The following FRMD4A variants were observed in gnomAD, a reference collection of about 807,000 sequenced individuals.
The protein encoded by FRMD4A is FERM domain-containing protein 4A.
In FRMD4A, 29 loss-of-function variants were observed where a neutral mutation model predicts 129.1. That is an observed-to-expected ratio of 0.22 (90% CI 0.17 to 0.31). FRMD4A has a LOEUF of 0.31. FRMD4A is among the 10% of genes least tolerant of loss of function. FRMD4A has a pLI of 1.00. For missense variants in FRMD4A, 1,272 were observed against 1,375.8 expected, an observed-to-expected ratio of 0.92 and a Z score of 1.19; for synonymous variants, 634 against 571.6, an observed-to-expected ratio of 1.11 and a Z score of -1.56.
intron 2 of FRMD4A, among the ~76,000 whole-genome samples, chr10:13,963,674 C>G (rs902192858): frequency 1.3e-5 from 2 of 152,200 alleles, no homozygotes; most frequent in Non-Finnish European, 2.9e-5. Context: ...AGTTCTGTTT[C>G]AAAAGCATAT....
chr10:14,119,859 G>A (rs926435286), intron 2 of FRMD4A, among the ~76,000 whole-genome samples: 7 of 152,156 alleles, frequency 4.6e-5, no homozygotes, highest in African/African-American at 1.7e-4. Flanking sequence ...CCCTCTGTTA[G>A]GTAATGAGTT....
intron 13 of FRMD4A, among the ~76,000 whole-genome samples, chr10:13,703,275 A>G (rs566142772): frequency 2.6e-5 from 4 of 152,300 alleles, no homozygotes; most frequent in South Asian, 4.2e-4. Context: ...CTCCTGCTCT[A>G]TCATTACTTT....
chr10:13,659,520 C>T (rs371654662), intron 20 of FRMD4A, 30 bp from the exon 21 acceptor site: 18 of 1,598,840 alleles, frequency 1.1e-5, no homozygotes, highest in South Asian at 2.2e-5. Flanking sequence ...ACGTGGTCAC[C>T]GCCAGACAGA....
intron 2 of FRMD4A, among the ~76,000 whole-genome samples, chr10:14,304,877 G>A (rs1846296326): frequency 6.6e-6 from 1 of 152,184 alleles, no homozygotes; most frequent in African/African-American, 2.4e-5. Context: ...CCCTTGAGCT[G>A]GGATAACTCT....
chr10:13,769,046 A>G (rs1172620033), intron 6 of FRMD4A, among the ~76,000 whole-genome samples: 1 of 129,446 alleles, frequency 7.7e-6, no homozygotes, highest in East Asian at 2.3e-4. Context: ...GCTGGAGTGT[A>G]GTGGCGCGAT....
intron 2 of FRMD4A, among the ~76,000 whole-genome samples, chr10:14,260,554 A>C (rs1564423991): frequency 6.6e-6 from 1 of 152,188 alleles, no homozygotes; most frequent in African/African-American, 2.4e-5. Context: ...ATGGCATGGC[A>C]CCTCAAGGAC....
At chr10:13,967,303 C>G (rs946791691) in intron 2 of FRMD4A, among the ~76,000 whole-genome samples, 2 of 151,926 alleles carry the variant, frequency 1.3e-5, no homozygotes, top group Non-Finnish European at 2.9e-5. Context: ...CGCCACTGCA[C>G]TCCAGCCTGG....
At chr10:14,077,809 T>A (rs1015353388) in intron 2 of FRMD4A, among the ~76,000 whole-genome samples, 2 of 152,222 alleles carry the variant, frequency 1.3e-5, no homozygotes, top group Non-Finnish European at 1.5e-5. Context: ...AATTGCATCT[T>A]CTGAAATACT....
intron 14 of FRMD4A, among the ~76,000 whole-genome samples, chr10:13,699,234 T>TTG (rs2086561116): frequency 7.6e-6 from 1 of 130,780 alleles, no homozygotes; most frequent in South Asian, 2.4e-4. Context: ...GTTTTTTTTT[T>TTG]TTTTTTTTTT....
intron 6 of FRMD4A, among the ~76,000 whole-genome samples, chr10:13,773,265 G>C (rs1285993507): frequency 2.0e-5 from 3 of 152,102 alleles, no homozygotes; most frequent in Admixed American, 6.6e-5. Flanking sequence ...CATAAAACCC[G>C]ACCTGCCCTT....
At chr10:13,828,152 T>C (rs1364356836) in intron 3 of FRMD4A, among the ~76,000 whole-genome samples, 1 of 152,208 alleles carries the variant, frequency 6.6e-6, no homozygotes, top group Non-Finnish European at 1.5e-5. Context: ...AGGGATGGTA[T>C]TATCCACATC....
intron 2 of FRMD4A, among the ~76,000 whole-genome samples, chr10:13,898,763 TA>T (rs2094786824): frequency 6.6e-6 from 1 of 152,198 alleles, no homozygotes; most frequent in Non-Finnish European, 1.5e-5. Context: ...GGAGACAAGG[TA>T]AGGGAGGACC....
At chr10:14,276,492 A>G (rs10906643) in intron 2 of FRMD4A, among the ~76,000 whole-genome samples, 13,951 of 152,260 alleles carry the variant, frequency 0.092, 815 homozygotes, top group Middle Eastern at 0.13. Flanking sequence ...GAATCTCTTA[A>G]TGAAAAGGCC....
At chr10:14,205,405 G>T (rs1842753133) in intron 2 of FRMD4A, among the ~76,000 whole-genome samples, 1 of 152,092 alleles carries the variant, frequency 6.6e-6, no homozygotes, top group Non-Finnish European at 1.5e-5. Flanking sequence ...GTATTCCTAG[G>T]AGTTTTCTGA....
chr10:14,157,511 T>A (rs1445866536), intron 2 of FRMD4A, among the ~76,000 whole-genome samples: 1 of 152,196 alleles, frequency 6.6e-6, no homozygotes, highest in Non-Finnish European at 1.5e-5. Context: ...AGAATGGGGA[T>A]GATCACATTT....
intron 15 of FRMD4A, chr10:13,675,920 T>C (rs1253852008): frequency 6.6e-6 from 1 of 152,126 alleles, no homozygotes; most frequent in African/African-American, 2.4e-5. Flanking sequence ...AATGCTATTG[T>C]ATTTTTTAAC....
chr10:13,957,797 T>C (rs2095418717), intron 2 of FRMD4A, among the ~76,000 whole-genome samples: 1 of 152,178 alleles, frequency 6.6e-6, no homozygotes, highest in Non-Finnish European at 1.5e-5. Flanking sequence ...CCTTGTATCT[T>C]TCTGGCCCCT....
rs146932201 is a variant in FRMD4A, at chr10:14,275,282, C to T, written c.45+54776G>A. Among the ~76,000 whole-genome samples, 90 of 152,132 alleles carry T rather than the reference C, an allele frequency of 5.9e-4. No homozygotes were observed. In the East Asian group the frequency reaches 0.014, roughly 23 times the overall value. On this transcript the variant is annotated intron_variant, in intron 2 of 24. Transcript: ENST00000357447. ...GTAACAGCGATTGCCAGAATCCCAG[C>T]TGCTCCCAAACAGAATTAGACACTT...
chr10:14,032,638 G>T (rs1045075450), intron 2 of FRMD4A, among the ~76,000 whole-genome samples: 1 of 152,170 alleles, frequency 6.6e-6, no homozygotes, highest in African/African-American at 2.4e-5. Flanking sequence ...CAGCAAGGGG[G>T]AGCTGCTGGC....
Sources: gnomAD v4.1 joint callset for allele counts (sites outside exome capture counted in the v4.1 genomes callset) on GRCh38, gnomAD v4.1.1 for gene constraint, MANE v1.5 for transcripts, NCBI Gene and HGNC (gene_info 2026-07-23, HGNC 2026-07-21) for gene names.